Variants in STPG2 observed in about 807,000 individuals in gnomAD.
STPG2 encodes sperm-tail PG-rich repeat-containing protein 2.
Under a neutral mutation model 54.2 loss-of-function variants are expected in STPG2, and 56 were observed. That is an observed-to-expected ratio of 1.03 (90% CI 0.83 to 1.29). The LOEUF is 1.29. STPG2 is among the 50% of genes most tolerant of loss of function. The pLI is 0.00. For missense variants in STPG2, 596 were observed against 544.9 expected (o/e 1.09, Z -0.93); for synonymous variants, 200 against 181.8 (o/e 1.10, Z -0.81).
intron 7 of STPG2, among the ~76,000 whole-genome samples, chr4:97,964,318 G>T (rs1734008040): frequency 6.6e-6 from 1 of 152,128 alleles, no homozygotes; most frequent in Non-Finnish European, 1.5e-5. Context: ...TTTATAATGA[G>T]CAGTAAGCAC....
At chr4:97,644,523 G>C (rs1211727625) in intron 10 of STPG2, among the ~76,000 whole-genome samples, 1 of 151,916 alleles carries the variant, frequency 6.6e-6, no homozygotes, top group East Asian at 1.9e-4. Flanking sequence ...TTTATTATTT[G>C]ATCAATGACT....
At position 97,565,915 on chromosome 4, in the gene STPG2, C is replaced by T. The variant is rs545541645; in HGVS notation, c.1321-6798G>A. Among the ~76,000 whole-genome samples the T allele has an allele frequency of 4.1e-3, 628 of 152,314 alleles. 3 individuals carry two copies. Among genetic ancestry groups the T allele is most frequent in the South Asian group, 0.02 (97 of 4,830 alleles). On this transcript the variant is annotated intron_variant, in intron 10 of 10. Transcript: ENST00000295268. ...GACCCACTTGAGGAGGCAGTCTGCCCATTCTCAGATCTCCAGCTGCATGCT... is the reference window on the plus strand; with the variant it reads ...GACCCACTTGAGGAGGCAGTCTGCCTATTCTCAGATCTCCAGCTGCATGCT...
intron 7 of STPG2, among the ~76,000 whole-genome samples, chr4:97,959,666 C>T (rs1246393955): frequency 1.3e-5 from 2 of 151,744 alleles, no homozygotes; most frequent in African/African-American, 2.4e-5. Flanking sequence ...GAAGCAGATA[C>T]CCTGAACAAA....
rs559648205 is a variant in STPG2, at chr4:98,022,757, T to A, written c.613-41439A>T. On this transcript the variant is annotated intron_variant, in intron 5 of 10. Transcript: ENST00000295268. ...TCTCTAAACTTCCCTTCTTGCTTCA[T>A]TTCATTCATTTCATCTTCCATCACT... 2.2e-4 allele frequency among the ~76,000 whole-genome samples: 34 copies of A among 152,306 alleles called. No homozygotes were observed. In the East Asian group the frequency reaches 6.0e-3, roughly 27 times the overall value.
intron 5 of STPG2, among the ~76,000 whole-genome samples, chr4:98,085,314 A>G (rs1483044937): frequency 6.6e-6 from 1 of 152,102 alleles, no homozygotes; most frequent in Non-Finnish European, 1.5e-5. Context: ...AATACTAATA[A>G]CACACTATCT....
At chr4:97,901,069 T>C (rs567659923) in intron 8 of STPG2, among the ~76,000 whole-genome samples, 2 of 152,064 alleles carry the variant, frequency 1.3e-5, no homozygotes, top group African/African-American at 2.4e-5. Flanking sequence ...CCTTGTAACA[T>C]ATTGAATAAA....
intron 4 of STPG2, among the ~76,000 whole-genome samples, chr4:97,473,342 A>C (rs1729989408): frequency 6.6e-6 from 1 of 152,164 alleles, no homozygotes; most frequent in Non-Finnish European, 1.5e-5. Flanking sequence ...ATCCCTGAGA[A>C]AGAGAATGCG....
intron 9 of STPG2, among the ~76,000 whole-genome samples, chr4:97,818,917 C>A (rs1045664591): frequency 2.4e-4 from 35 of 148,384 alleles, no homozygotes; most frequent in African/African-American, 8.6e-4. Context: ...AGAATTTACT[C>A]TCTCTGTATA....
intron 8 of STPG2, among the ~76,000 whole-genome samples, chr4:97,889,672 A>C (rs1730696529): frequency 2.0e-5 from 3 of 152,196 alleles, no homozygotes; most frequent in Non-Finnish European, 4.4e-5. Flanking sequence ...GTAAGGGAAA[A>C]AGTTTGGGGG....
At chr4:97,729,160 C>A (rs1384730130) in intron 9 of STPG2, among the ~76,000 whole-genome samples, 1 of 147,724 alleles carries the variant, frequency 6.8e-6, no homozygotes, top group Non-Finnish European at 1.5e-5. Context: ...CATCCAATTT[C>A]TAAGACTCAG....
At chr4:98,120,334 C>T (rs1490380817) in intron 3 of STPG2, among the ~76,000 whole-genome samples, 1 of 152,136 alleles carries the variant, frequency 6.6e-6, no homozygotes, top group East Asian at 1.9e-4. Flanking sequence ...CTGCCTCGGC[C>T]TTCCAAAGTG....
intron 10 of STPG2, among the ~76,000 whole-genome samples, chr4:97,571,984 T>A (rs1732613565): frequency 6.6e-6 from 1 of 152,156 alleles, no homozygotes; most frequent in African/African-American, 2.4e-5. Flanking sequence ...ACTTCACCAT[T>A]TGCTACACAA....
At chr4:97,944,079 G>GT in intron 7 of STPG2, 72 bp from the exon 8 acceptor site, 2 of 977,178 alleles carry the variant, frequency 2.0e-6, no homozygotes, top group Non-Finnish European at 3.2e-6. Context: ...TAAATAATAA[G>GT]TTTGCAATGA....
chr4:97,591,149 G>C (rs991303419), intron 10 of STPG2, among the ~76,000 whole-genome samples: 4 of 151,968 alleles, frequency 2.6e-5, no homozygotes, highest in Non-Finnish European at 4.4e-5. Flanking sequence ...GAAATGATAA[G>C]CATGTAACTA....
intron 9 of STPG2, among the ~76,000 whole-genome samples, chr4:97,828,550 C>T (rs891167967): frequency 6.6e-6 from 1 of 151,930 alleles, no homozygotes; most frequent in East Asian, 1.9e-4. Flanking sequence ...CAAAACCATT[C>T]ACTCCCCTGG....
chr4:97,786,445 T>G (rs562028393), intron 9 of STPG2, among the ~76,000 whole-genome samples: 7 of 152,118 alleles, frequency 4.6e-5, no homozygotes, highest in Non-Finnish European at 1.0e-4. Context: ...AAATTTCAGT[T>G]TTCAGTCTTT....
chr4:97,878,403 T>G (rs1730253309), intron 8 of STPG2, among the ~76,000 whole-genome samples: 1 of 152,202 alleles, frequency 6.6e-6, no homozygotes, highest in African/African-American at 2.4e-5. Flanking sequence ...AGCAAACTCT[T>G]GCCTGGACAT....
At chr4:97,908,013 C>G (rs1226954328) in intron 8 of STPG2, among the ~76,000 whole-genome samples, 2 of 152,144 alleles carry the variant, frequency 1.3e-5, no homozygotes, top group African/African-American at 4.8e-5. Flanking sequence ...CCAAAATTGA[C>G]AAATGGGATC....
intron 10 of STPG2, among the ~76,000 whole-genome samples, chr4:97,600,730 T>TG: frequency 6.6e-6 from 1 of 152,096 alleles, no homozygotes; most frequent in Middle Eastern, 3.4e-3. Context: ...ATATGCATAG[T>TG]GGGGGAAAGT....
Sources: gnomAD v4.1 joint callset for allele counts (sites outside exome capture counted in the v4.1 genomes callset) on GRCh38, gnomAD v4.1.1 for gene constraint, MANE v1.5 for transcripts, NCBI Gene and HGNC (gene_info 2026-07-23, HGNC 2026-07-21) for gene names.